Variants in ZNF713 observed in about 807,000 individuals in gnomAD.
ZNF713 encodes the protein zinc finger protein 713.
ZNF713 carries 21 observed loss-of-function variants against 28.7 expected under a neutral mutation model. That is an observed-to-expected ratio of 0.73 (90% CI 0.52 to 1.05). The LOEUF is 1.05. Ranked by LOEUF, ZNF713 falls within the 50% of genes least tolerant of loss-of-function variation. ZNF713 has a pLI of 0.00. For synonymous variants in ZNF713, 167 were observed against 178.0 expected (o/e 0.94, Z 0.49); for missense variants, 458 against 532.4 (o/e 0.86, Z 1.37).
At chr7:55,892,555 C>CAAAAAAA (rs56338467) in intron 1 of ZNF713, among the ~76,000 whole-genome samples, 192 of 74,256 alleles carry the variant, frequency 2.6e-3, no homozygotes, top group East Asian at 4.7e-3. Flanking sequence ...AAGCACTGAC[C>CAAAAAAA]AAAAAAAAAA....
chr7:55,901,218 A>G (rs898728645), intron 1 of ZNF713, among the ~76,000 whole-genome samples: 3 of 152,182 alleles, frequency 2.0e-5, no homozygotes, highest in African/African-American at 7.2e-5. Flanking sequence ...GGCAAGGAGG[A>G]GCAAGTCACA....
At chr7:55,932,543 A>G (rs1786232824) in intron 6 of ZNF713, among the ~76,000 whole-genome samples, 1 of 140,482 alleles carries the variant, frequency 7.1e-6, no homozygotes, top group African/African-American at 2.7e-5. Flanking sequence ...AAAAAAAAAA[A>G]TCTAATATAT....
intron 1 of ZNF713, among the ~76,000 whole-genome samples, chr7:55,901,572 G>A (rs7790255): frequency 0.82 from 124,982 of 152,200 alleles, 51,857 homozygotes; most frequent in East Asian, 0.95. Flanking sequence ...AATCTTGACT[G>A]TATAATGCAA....
intron 4 of ZNF713, among the ~76,000 whole-genome samples, chr7:55,921,905 A>G (rs2116236240): frequency 6.6e-6 from 1 of 152,244 alleles, no homozygotes; most frequent in Middle Eastern, 3.4e-3. Context: ...CAGTGCAGCA[A>G]ACTTTATTGC....
chr7:55,939,352 G>A lies in ZNF713; in HGVS notation c.678G>A (p.Gln226=). The change falls in exon 7 of 7, where the codon CAG becomes CAA. Residue 226 remains glutamine, a synonymous_variant. Transcript: ENST00000429591. ...ATAATTCAGACTTGATTTACTATCA[G>A]GGAAATTATGTAAGAGAGACTCCCT... ...IKHNSDLIYY[Q]GNYVRETPYE... 2 of 1,613,974 alleles carry A rather than the reference G, an allele frequency of 1.2e-6. No individual in the cohort carries two copies. The highest frequency in any genetic ancestry group is 1.7e-6 in the Non-Finnish European group (2 of 1,180,010).
chr7:55,901,450 A>G (rs889513769), intron 1 of ZNF713, among the ~76,000 whole-genome samples: 3 of 152,246 alleles, frequency 2.0e-5, no homozygotes, highest in Non-Finnish European at 4.4e-5. Context: ...AACCACATCA[A>G]CTATGTAAAT....
At chr7:55,892,428 A>G (rs1562733904) in intron 1 of ZNF713, among the ~76,000 whole-genome samples, 1 of 151,864 alleles carries the variant, frequency 6.6e-6, no homozygotes, top group Non-Finnish European at 1.5e-5. Context: ...TCTCCCTATC[A>G]TAAGGGTCAT....
intron 4 of ZNF713, among the ~76,000 whole-genome samples, chr7:55,919,938 A>G (rs1785963171): frequency 6.6e-6 from 1 of 152,042 alleles, no homozygotes; most frequent in South Asian, 2.1e-4. Flanking sequence ...AAGGGTATAC[A>G]TGCTATGAAC....
chr7:55,926,181 A>G (rs1295231645), intron 6 of ZNF713, among the ~76,000 whole-genome samples: 1 of 152,060 alleles, frequency 6.6e-6, no homozygotes, highest in African/African-American at 2.4e-5. Context: ...ATGGTGGCGG[A>G]TGCCTGGAAT....
chr7:55,889,182 A>G (rs1785334382), intron 1 of ZNF713, among the ~76,000 whole-genome samples: 1 of 150,476 alleles, frequency 6.6e-6, no homozygotes, highest in South Asian at 2.1e-4. Flanking sequence ...GCTCACCGCA[A>G]CCTCTGCCTC....
chr7:55,900,853 T>C (rs771341739), intron 1 of ZNF713, among the ~76,000 whole-genome samples: 1 of 152,164 alleles, frequency 6.6e-6, no homozygotes, highest in Admixed American at 6.6e-5. Context: ...TTTTTTCTTT[T>C]AGAGATGGGG....
intron 5 of ZNF713, 80 bp downstream of exon 5, chr7:55,923,368 T>G: frequency 6.6e-7 from 1 of 1,524,634 alleles, no homozygotes; most frequent in South Asian, 1.3e-5. Flanking sequence ...GCAAAGTTTT[T>G]GTGAATATAG....
chr7:55,918,811 G>A (rs1187798805), intron 4 of ZNF713, among the ~76,000 whole-genome samples: 1 of 152,010 alleles, frequency 6.6e-6, no homozygotes, highest in South Asian at 2.1e-4. Flanking sequence ...TGGCCAACAC[G>A]GTGAAACCTC....
intron 1 of ZNF713, among the ~76,000 whole-genome samples, chr7:55,898,376 C>CT (rs1785511816): frequency 6.6e-6 from 1 of 152,186 alleles, no homozygotes; most frequent in Non-Finnish European, 1.5e-5. Context: ...GAAGAACTAC[C>CT]TGAGACTGAG....
In ZNF713 at chr7:55,940,249, A is replaced by T. The variant is rs868691687; in HGVS notation, c.*243A>T. 8.1e-5 allele frequency: 51 copies of T among 631,132 alleles called. No individual in the cohort carries two copies. In the African/African-American group the frequency reaches 9.0e-4, roughly 11 times the overall value. The allele number at this position is 631,132 out of a possible 1,614,324, so 39.1% of individuals were successfully genotyped here. ...GCGATTCTCCTGCCTCAGCCTCCTG[A>T]GTAGCTGGGACCACAGGTATGCACC... On this transcript the variant is annotated 3_prime_UTR_variant, in exon 7 of 7. Transcript: ENST00000429591.
intron 1 of ZNF713, 189 bp from the exon 2 acceptor site, chr7:55,906,064 T>A (rs1584302615): frequency 6.7e-6 from 1 of 150,142 alleles, no homozygotes; most frequent in African/African-American, 2.5e-5. Context: ...ATCGCACCAC[T>A]GCATTCCAGC....
intron 6 of ZNF713, among the ~76,000 whole-genome samples, chr7:55,933,517 G>A (rs1460696084): frequency 6.6e-6 from 1 of 151,944 alleles, no homozygotes; most frequent in Middle Eastern, 3.4e-3. Context: ...GGCTGATCTC[G>A]AACTCCTGAC....
chr7:55,928,754 T>G lies in ZNF713; in HGVS notation c.307+5055T>G, dbSNP rs1323050311. Among the ~76,000 whole-genome samples, 3 of 152,230 alleles carry G rather than the reference T, an allele frequency of 2.0e-5. No homozygotes were observed. The East Asian group carries it at 5.8e-4, about 29-fold the overall frequency. On this transcript the variant is annotated intron_variant, in intron 6 of 6. Transcript: ENST00000429591. ...CTTCATAGGAGAAACTTTAAACACT[T>G]CCGACAGACACAAAAATAAACCTGA...
chr7:55,931,465 AC>A (rs1235526672), intron 6 of ZNF713, among the ~76,000 whole-genome samples: 1 of 152,174 alleles, frequency 6.6e-6, no homozygotes, highest in Non-Finnish European at 1.5e-5. Flanking sequence ...TAATAAGAGA[AC>A]CAAAAATATG....
Sources: gnomAD v4.1 joint callset for allele counts (sites outside exome capture counted in the v4.1 genomes callset) on GRCh38, gnomAD v4.1.1 for gene constraint, MANE v1.5 for transcripts, NCBI Gene and HGNC (gene_info 2026-07-23, HGNC 2026-07-21) for gene names.